TOP3A: variants seen among roughly 807,000 people sequenced by gnomAD.
The protein encoded by TOP3A is DNA topoisomerase 3-alpha.
Under a neutral mutation model 111.3 loss-of-function variants are expected in TOP3A, and 64 were observed. The ratio of observed to expected loss-of-function variants is 0.57; its 90% CI spans 0.47 to 0.71. The LOEUF is 0.71. Ranked by LOEUF, TOP3A falls within the 30% of genes least tolerant of loss-of-function variation. The probability of loss-of-function intolerance (pLI) is 0.00; values close to 1 mark genes in which losing one functional copy is unlikely to be tolerated. For missense variants in TOP3A, 1,104 were observed against 1,285.0 expected (o/e 0.86, Z 2.15); for synonymous variants, 484 against 485.1 (o/e 1.00, Z 0.03).
chr17:18,299,366 G>A (rs1981075384), intron 9 of TOP3A, among the ~76,000 whole-genome samples, 193 bp downstream of exon 9: 1 of 152,198 alleles, frequency 6.6e-6, no homozygotes, highest in South Asian at 2.1e-4. Flanking sequence ...AGAAGTTTGA[G>A]TCTACAAAAA....
chr17:18,314,112 AG>A (rs957627380), intron 1 of TOP3A, among the ~76,000 whole-genome samples: 12 of 152,014 alleles, frequency 7.9e-5, no homozygotes, highest in Admixed American at 6.6e-4. Flanking sequence ...GTGCACTGTG[AG>A]GCTGGAAAGT....
chr17:18,306,648 A>C (rs1981596325), intron 4 of TOP3A: 1 of 407,860 alleles, frequency 2.5e-6, no homozygotes, highest in African/African-American at 2.0e-5. Context: ...TTACAGGCAT[A>C]AACCACCATG....
chr17:18,290,825 G>C lies in TOP3A; in HGVS notation c.1467+17C>G. 6.2e-7 allele frequency: 1 copy of C among 1,611,454 alleles called. No homozygotes were observed. The highest frequency in any genetic ancestry group is 8.5e-7 in the Non-Finnish European group (1 of 1,177,820). On this transcript the variant is annotated intron_variant, in intron 12 of 18. Coordinates refer to ENST00000321105, the MANE Select transcript of TOP3A (RefSeq NM_004618.5). ...ACACAACTGTCCTCCCTCTCACTGG[G>C]GACCACTCTTTATTACCTTGTCACT... is the stretch of plus-strand genomic sequence containing the variant.
chr17:18,298,421 G>A (rs1262192857), intron 9 of TOP3A, among the ~76,000 whole-genome samples: 1 of 145,948 alleles, frequency 6.9e-6, no homozygotes, highest in Admixed American at 6.7e-5. Flanking sequence ...CCCCGTCCGG[G>A]AGGGAGGTGG....
At chr17:18,283,797 A>C (rs1049190060) in intron 15 of TOP3A, among the ~76,000 whole-genome samples, 6 of 152,186 alleles carry the variant, frequency 3.9e-5, no homozygotes, top group African/African-American at 1.4e-4. Flanking sequence ...GATTCTCAAT[A>C]GAGTGGCTCA....
intron 2 of TOP3A, 58 bp downstream of exon 2, chr17:18,308,824 G>T: frequency 8.6e-7 from 1 of 1,167,880 alleles, no homozygotes; most frequent in Non-Finnish European, 1.2e-6. Flanking sequence ...CATATGACGA[G>T]GCTGACTACT....
intron 8 of TOP3A, 72 bp downstream of exon 8, chr17:18,301,813 A>G (rs1199379036): frequency 3.9e-6 from 5 of 1,297,456 alleles, no homozygotes; most frequent in Non-Finnish European, 5.5e-6. Flanking sequence ...AATGAGACAG[A>G]TCACCTCTGC....
chr17:18,293,638 C>A (rs1242860182), intron 10 of TOP3A, among the ~76,000 whole-genome samples: 1 of 151,780 alleles, frequency 6.6e-6, no homozygotes, highest in African/African-American at 2.4e-5. Flanking sequence ...GCTGTGTCAC[C>A]CAGGCTGGAG....
chr17:18,285,341 A>T (rs1980021912), intron 14 of TOP3A, 34 bp from the exon 15 acceptor site: 1 of 1,612,886 alleles, frequency 6.2e-7, no homozygotes, highest in Non-Finnish European at 8.5e-7. Context: ...GTGAGGGCCC[A>T]CCTGAGACCC....
At chr17:18,277,045 G>C (rs1344289925) in intron 18 of TOP3A, among the ~76,000 whole-genome samples, 1 of 152,282 alleles carries the variant, frequency 6.6e-6, no homozygotes, top group South Asian at 2.1e-4. Flanking sequence ...TTAGCTGTGC[G>C]TGGTGGTGCA....
At chr17:18,301,099 T>G (rs911015401) in intron 8 of TOP3A, among the ~76,000 whole-genome samples, 17 of 152,228 alleles carry the variant, frequency 1.1e-4, no homozygotes, top group African/African-American at 4.1e-4. Context: ...GTAACAAATC[T>G]GCCAGTGGGC....
At position 18,311,125 on chromosome 17, in the gene TOP3A, C is replaced by A. The variant is rs144689490; in HGVS notation, c.181-2184G>T. Among the ~76,000 whole-genome samples the A allele has an allele frequency of 9.3e-5, 14 of 150,526 alleles. No homozygotes were observed. In the East Asian group the frequency reaches 2.8e-3, roughly 30 times the overall value. On this transcript the variant is annotated intron_variant, in intron 1 of 18. Transcript: ENST00000321105. ...ATGCCATTCTGCTGCCTCAGCCTCC[C>A]GAGTAGCTGGGACTACAGGCGTCTG...
chr17:18,292,629 A>C lies in TOP3A; in HGVS notation c.1281+16T>G. 6.5e-7 allele frequency: 1 copy of C among 1,540,420 alleles called. No individual in the cohort carries two copies. The highest frequency in any genetic ancestry group is 8.8e-7 in the Non-Finnish European group (1 of 1,139,146). On this transcript the variant is annotated intron_variant, in intron 11 of 18. Transcript: ENST00000321105. ...CCCTATGGGTTCCAGCAGGCAGTAC[A>C]TTCAGGGAAACCAACCTGTAAGTTG...
At chr17:18,297,550 C>T (rs900901253) in intron 9 of TOP3A, among the ~76,000 whole-genome samples, 2 of 152,190 alleles carry the variant, frequency 1.3e-5, no homozygotes, top group African/African-American at 4.8e-5. Context: ...AGCCTGCGGA[C>T]TGCCTGCGAT....
chr17:18,298,212 A>G (rs900303351), intron 9 of TOP3A, among the ~76,000 whole-genome samples: 2 of 147,606 alleles, frequency 1.4e-5, no homozygotes, highest in Non-Finnish European at 3.0e-5. Context: ...AGAAGTGAGG[A>G]GCCCCTCCGC....
intron 17 of TOP3A, 56 bp from the exon 18 acceptor site, chr17:18,278,413 T>C: frequency 1.3e-5 from 19 of 1,463,546 alleles, no homozygotes; most frequent in Non-Finnish European, 1.6e-5. Flanking sequence ...AGCTTCTCCT[T>C]AGTCCAGTGA....
intron 15 of TOP3A, 37 bp from the exon 16 acceptor site, chr17:18,282,878 C>G: frequency 6.2e-7 from 1 of 1,611,074 alleles, no homozygotes; most frequent in Non-Finnish European, 8.5e-7. Flanking sequence ...CATCAGCCAG[C>G]AATCGCTGCA....
At chr17:18,311,691 T>G (rs1255778451) in intron 1 of TOP3A, among the ~76,000 whole-genome samples, 1 of 152,144 alleles carries the variant, frequency 6.6e-6, no homozygotes, top group South Asian at 2.1e-4. Flanking sequence ...TCCTTTGGAG[T>G]TTAGAGTCCA....
At chr17:18,290,402 A>C in intron 13 of TOP3A, 155 bp downstream of exon 13, 1 of 843,648 alleles carries the variant, frequency 1.2e-6, no homozygotes, top group Non-Finnish European at 1.7e-6. Context: ...AACTTAGGTA[A>C]GTTCTTAACC....
Sources: gnomAD v4.1 joint callset for allele counts (sites outside exome capture counted in the v4.1 genomes callset) on GRCh38, gnomAD v4.1.1 for gene constraint, MANE v1.5 for transcripts, NCBI Gene and HGNC (gene_info 2026-07-23, HGNC 2026-07-21) for gene names.